The following NHSL1 variants were observed in gnomAD, a reference collection of about 807,000 sequenced individuals.
NHSL1 encodes NHS-like protein 1.
NHSL1 carries 48 observed loss-of-function variants against 95.0 expected under a neutral mutation model. That is an observed-to-expected ratio of 0.51 (90% CI 0.40 to 0.64). The LOEUF is 0.64. NHSL1 is among the 30% of genes least tolerant of loss of function. NHSL1 has a pLI of 0.00. For missense variants in NHSL1, 1,971 were observed against 2,077.7 expected (o/e 0.95, Z 1.00); for synonymous variants, 783 against 833.9 (o/e 0.94, Z 1.05).
chr6:138,496,446 C>T, intron 1 of NHSL1, 75 bp from the exon 2 acceptor site: 13 of 1,416,362 alleles, frequency 9.2e-6, no homozygotes, highest in Non-Finnish European at 1.2e-5. Context: ...TGATGTGTTT[C>T]CATGTCTAAC....
At chr6:138,542,911 A>G (rs1383422506) in intron 1 of NHSL1, among the ~76,000 whole-genome samples, 1 of 152,164 alleles carries the variant, frequency 6.6e-6, no homozygotes, top group Non-Finnish European at 1.5e-5. Context: ...CTACAGTTCC[A>G]TATCACCACA....
At chr6:138,548,301 C>T (rs9399246), upstream of NHSL1, among the ~76,000 whole-genome samples, 49,278 of 151,972 alleles carry the variant, frequency 0.32, 8,272 homozygotes, top group Middle Eastern at 0.51. Flanking sequence ...CCTTTTTAAA[C>T]AGAGATGACT....
At chr6:138,590,497 T>C (rs148951866) in intron 1 of NHSL1, among the ~76,000 whole-genome samples, 5 of 152,264 alleles carry the variant, frequency 3.3e-5, no homozygotes, top group Non-Finnish European at 7.4e-5. Context: ...CCTTTTGGCC[T>C]ACACATCCTG....
chr6:138,654,257 T>C (rs146126646), intron 1 of NHSL1, among the ~76,000 whole-genome samples: 5 of 152,332 alleles, frequency 3.3e-5, no homozygotes, highest in Non-Finnish European at 7.3e-5. Context: ...CTTTATTTTT[T>C]CTTAATATGC....
chr6:138,505,838 T>G (rs1266014426), intron 1 of NHSL1, among the ~76,000 whole-genome samples: 1 of 152,172 alleles, frequency 6.6e-6, no homozygotes, highest in Non-Finnish European at 1.5e-5. Flanking sequence ...AGAAAATTTT[T>G]CAGGGCAACC....
intron 1 of NHSL1, among the ~76,000 whole-genome samples, chr6:138,591,268 G>C (rs775330000): frequency 2.4e-4 from 36 of 152,282 alleles, no homozygotes; most frequent in Middle Eastern, 6.8e-3. Flanking sequence ...ATAAAATTAT[G>C]AAAGTTTTCA....
intron 1 of NHSL1, among the ~76,000 whole-genome samples, chr6:138,623,065 G>A (rs1784686523): frequency 6.6e-6 from 1 of 152,356 alleles, no homozygotes; most frequent in South Asian, 2.1e-4. Context: ...TAGAAAAAAG[G>A]GCAGCAAGTG....
intron 5 of NHSL1, among the ~76,000 whole-genome samples, chr6:138,441,671 A>G (rs944834664): frequency 6.6e-6 from 1 of 152,230 alleles, no homozygotes; most frequent in Admixed American, 6.5e-5. Context: ...AGTAAATTTA[A>G]TTGTGGGAAT....
intron 4 of NHSL1, among the ~76,000 whole-genome samples, chr6:138,443,223 T>A (rs931674951): frequency 6.6e-6 from 1 of 152,180 alleles, no homozygotes; most frequent in Admixed American, 6.5e-5. Flanking sequence ...CCTTATCTAA[T>A]CAAAACAGAG....
intron 1 of NHSL1, among the ~76,000 whole-genome samples, chr6:138,523,650 A>AAAAAAAAAAAAG (rs1781783767): frequency 6.6e-6 from 1 of 151,298 alleles, no homozygotes. Context: ...AAAAAAAAAA[A>AAAAAAAAAAAAG]AACAGAGCTA....
chr6:138,586,101 C>CTT (rs79450363), intron 1 of NHSL1, among the ~76,000 whole-genome samples: 43 of 140,470 alleles, frequency 3.1e-4, no homozygotes, highest in African/African-American at 7.6e-4. Context: ...GTGTCAAAAC[C>CTT]TTTTTTTTTT....
intron 1 of NHSL1, among the ~76,000 whole-genome samples, chr6:138,676,496 T>C (rs1785450231): frequency 6.6e-6 from 1 of 152,208 alleles, no homozygotes; most frequent in Admixed American, 6.5e-5. Flanking sequence ...CACTGTTCTA[T>C]ATCTCATTTT....
chr6:138,610,897 G>C, intron 1 of NHSL1, among the ~76,000 whole-genome samples: 1 of 152,066 alleles, frequency 6.6e-6, no homozygotes. Context: ...GACGAACGTG[G>C]TGAAATCCCA....
At chr6:138,529,549 G>A (rs959069116) in intron 1 of NHSL1, among the ~76,000 whole-genome samples, 2 of 152,178 alleles carry the variant, frequency 1.3e-5, no homozygotes, top group Admixed American at 1.3e-4. Flanking sequence ...AGACTTGGCT[G>A]GGGGCCTTGC....
At chr6:138,473,114 A>G (rs1778855533) in intron 3 of NHSL1, among the ~76,000 whole-genome samples, 192 bp downstream of exon 3, 1 of 152,198 alleles carries the variant, frequency 6.6e-6, no homozygotes, top group South Asian at 2.1e-4. Flanking sequence ...TTTCCTGTGT[A>G]CCCTTTACCC....
Position 138,507,559 on chromosome 6 carries a change from C to T in NHSL1, c.17-11188G>A, listed in dbSNP as rs565292292. Among the ~76,000 whole-genome samples the T allele has an allele frequency of 7.2e-5, 11 of 152,212 alleles. No homozygotes were observed. In the South Asian group the frequency reaches 1.9e-3, roughly 26 times the overall value. On this transcript the variant is annotated intron_variant, in intron 1 of 4. Coordinates refer to the NHSL1 transcript ENST00000342260. Reference sequence around the variant, plus strand: ...CACTGGGTGTGATCTTACACTTATGCTCTCAATTTTTACAGTTGCATAATG... The same window carrying T: ...CACTGGGTGTGATCTTACACTTATGTTCTCAATTTTTACAGTTGCATAATG...
At chr6:138,666,941 A>G (rs1249092124) in intron 1 of NHSL1, among the ~76,000 whole-genome samples, 3 of 151,762 alleles carry the variant, frequency 2.0e-5, no homozygotes, top group African/African-American at 7.3e-5. Flanking sequence ...TCCAGATTCA[A>G]TTTTTTTTTA....
upstream of NHSL1, among the ~76,000 whole-genome samples, chr6:138,547,785 G>A (rs777406109): frequency 3.9e-5 from 6 of 152,180 alleles, no homozygotes; most frequent in Non-Finnish European, 7.3e-5. Context: ...ATCAAAACCA[G>A]ACCAGCTGAT....
chr6:138,483,182 T>G (rs759097607), intron 2 of NHSL1, among the ~76,000 whole-genome samples: 6 of 152,248 alleles, frequency 3.9e-5, no homozygotes, highest in Admixed American at 6.5e-5. Context: ...AAGTCTTCTC[T>G]ACTCAGAGGA....
Sources: gnomAD v4.1 joint callset for allele counts (sites outside exome capture counted in the v4.1 genomes callset) on GRCh38, gnomAD v4.1.1 for gene constraint, MANE v1.5 for transcripts, NCBI Gene and HGNC (gene_info 2026-07-23, HGNC 2026-07-21) for gene names.